The following ANKDD1B variants were observed in gnomAD, a reference collection of about 807,000 sequenced individuals.
The protein encoded by ANKDD1B is ankyrin repeat and death domain-containing protein 1B.
Under a neutral mutation model 59.7 loss-of-function variants are expected in ANKDD1B, and 57 were observed. The ratio of observed to expected loss-of-function variants is 0.95; its 90% CI spans 0.77 to 1.19. The LOEUF is 1.19. Ranked by LOEUF, ANKDD1B falls within the 50% of genes most tolerant of loss-of-function variation. ANKDD1B has a pLI of 0.00. For missense variants in ANKDD1B, 602 were observed against 641.9 expected (o/e 0.94, Z 0.67); for synonymous variants, 216 against 239.5 (o/e 0.90, Z 0.91).
At chr5:75,621,787 A>G (rs1773854937) in intron 3 of ANKDD1B, among the ~76,000 whole-genome samples, 1 of 152,188 alleles carries the variant, frequency 6.6e-6, no homozygotes, top group African/African-American at 2.4e-5. Context: ...AATGATGGAG[A>G]GATATTTCAC....
chr5:75,666,844 A>C lies in ANKDD1B; in HGVS notation c.1244A>C (p.Lys415Thr). 1 of 1,536,090 alleles carries C rather than the reference A, an allele frequency of 6.5e-7. No individual in the cohort carries two copies. Among genetic ancestry groups the C allele is most frequent in the Non-Finnish European group, 8.7e-7 (1 of 1,146,874 alleles). Reference protein sequence around the residue: ...DPSTGFTLTFKQDHSLETRHI... With the variant: ...DPSTGFTLTFTQDHSLETRHI... ...TCAACAGGCTTTACTCTGACATTCA[A>C]GCAAGATCACAGTCTGGAGACCAGA... is the stretch of plus-strand genomic sequence containing the variant. Residue 415 changes from lysine to threonine, a missense_variant, in exon 12 of 14, where the codon AAG becomes ACG. Physicochemically the swap from Lys to Thr is moderately conservative, Grantham distance 78. Coordinates refer to ENST00000601380, the MANE Select transcript of ANKDD1B (RefSeq NM_001276713.2).
chr5:75,667,411 C>T (rs780172295), intron 12 of ANKDD1B, among the ~76,000 whole-genome samples: 2 of 152,130 alleles, frequency 1.3e-5, no homozygotes, highest in Non-Finnish European at 2.9e-5. Context: ...TCAATAGGCT[C>T]GCTGTTTAAG....
chr5:75,616,956 G>A, intron 2 of ANKDD1B, 49 bp downstream of exon 2: 1 of 806,176 alleles, frequency 1.2e-6, no homozygotes, highest in Non-Finnish European at 2.0e-6. Context: ...GTAATGGCTT[G>A]GATTTACACA....
intron 1 of ANKDD1B, among the ~76,000 whole-genome samples, chr5:75,615,186 C>A (rs1773680086): frequency 6.6e-6 from 1 of 152,102 alleles, no homozygotes; most frequent in Non-Finnish European, 1.5e-5. Context: ...AGAACTAGAG[C>A]AGCTGAGCTG....
intron 3 of ANKDD1B, among the ~76,000 whole-genome samples, chr5:75,621,013 C>G (rs1167037439): frequency 6.6e-6 from 1 of 152,158 alleles, no homozygotes; most frequent in Admixed American, 6.5e-5. Context: ...AACAAGAGAA[C>G]ATTTGGATTC....
intron 8 of ANKDD1B, among the ~76,000 whole-genome samples, 179 bp downstream of exon 8, chr5:75,653,419 G>A (rs559992103): frequency 5.3e-5 from 8 of 152,288 alleles, no homozygotes; most frequent in Middle Eastern, 3.4e-3. Context: ...AATAAAATCC[G>A]AGGGATGAAT....
chr5:75,624,437 C>T (rs1199954121), intron 3 of ANKDD1B, among the ~76,000 whole-genome samples: 1 of 152,140 alleles, frequency 6.6e-6, no homozygotes, highest in Non-Finnish European at 1.5e-5. Context: ...GCTGGCTATG[C>T]TTCCTTCCAC....
chr5:75,650,741 C>T (rs75568345), intron 7 of ANKDD1B, among the ~76,000 whole-genome samples: 5,961 of 152,250 alleles, frequency 0.039, 347 homozygotes, highest in African/African-American at 0.13. Context: ...GTTCCATTAT[C>T]TATTGCTTCC....
intron 11 of ANKDD1B, among the ~76,000 whole-genome samples, chr5:75,665,181 G>A (rs1775274394): frequency 6.6e-6 from 1 of 152,164 alleles, no homozygotes; most frequent in Admixed American, 6.5e-5. Context: ...CCTGCAAATA[G>A]TTCAGTGTTT....
intron 3 of ANKDD1B, among the ~76,000 whole-genome samples, chr5:75,624,932 A>C (rs1773950713): frequency 6.6e-6 from 1 of 152,226 alleles, no homozygotes; most frequent in Admixed American, 6.5e-5. Context: ...CAATTGTTGT[A>C]GCACCAATTC....
chr5:75,617,063 G>A (rs2112953346), intron 2 of ANKDD1B, among the ~76,000 whole-genome samples, 156 bp downstream of exon 2: 1 of 152,272 alleles, frequency 6.6e-6, no homozygotes, highest in African/African-American at 2.4e-5. Flanking sequence ...AAGCTAAAAG[G>A]TGGAGTCAAA....
chr5:75,663,802 A>G (rs1396002415), intron 11 of ANKDD1B, among the ~76,000 whole-genome samples: 2 of 152,188 alleles, frequency 1.3e-5, no homozygotes, highest in Non-Finnish European at 2.9e-5. Flanking sequence ...CCCTCTGTCC[A>G]CAGTCTGGCC....
intron 7 of ANKDD1B, among the ~76,000 whole-genome samples, chr5:75,640,023 C>T (rs904647371): frequency 6.6e-6 from 1 of 151,706 alleles, no homozygotes; most frequent in African/African-American, 2.4e-5. Flanking sequence ...TACTATAATT[C>T]CTTATTTCTG....
intron 5 of ANKDD1B, among the ~76,000 whole-genome samples, chr5:75,629,995 C>G (rs1276463570): frequency 6.6e-6 from 1 of 152,002 alleles, no homozygotes; most frequent in African/African-American, 2.4e-5. Context: ...AATCCTGGAC[C>G]CTTCTTCTTT....
At chr5:75,668,443 G>A (rs1775371576) in intron 12 of ANKDD1B, among the ~76,000 whole-genome samples, 1 of 152,202 alleles carries the variant, frequency 6.6e-6, no homozygotes, top group African/African-American at 2.4e-5. Flanking sequence ...GAAAGGAACA[G>A]AGGACTTGTC....
intron 7 of ANKDD1B, among the ~76,000 whole-genome samples, chr5:75,639,781 T>C (rs541665158): frequency 6.6e-6 from 1 of 152,346 alleles, no homozygotes; most frequent in African/African-American, 2.4e-5. Context: ...GAAAGGGAAA[T>C]AGCCAAGTAG....
chr5:75,625,626 T>C (rs553412423), intron 3 of ANKDD1B, 21 bp from the exon 4 acceptor site: 2 of 1,531,820 alleles, frequency 1.3e-6, no homozygotes, highest in African/African-American at 2.7e-5. Flanking sequence ...TAGATTCTCT[T>C]TTTCTGTCTT....
chr5:75,645,360 A>T (rs1774615774), intron 7 of ANKDD1B, among the ~76,000 whole-genome samples: 1 of 78,620 alleles, frequency 1.3e-5, no homozygotes, highest in Non-Finnish European at 2.1e-5. Context: ...AGCAAGACTA[A>T]TAAAGAAAAA....
chr5:75,636,376 A>C (rs900451400), intron 7 of ANKDD1B, among the ~76,000 whole-genome samples: 13 of 152,180 alleles, frequency 8.5e-5, no homozygotes, highest in African/African-American at 3.1e-4. Context: ...TCCAAGTAAA[A>C]GAACCAAGGC....
Sources: allele counts gnomAD v4.1 joint callset (sites outside exome capture counted in the v4.1 genomes callset), GRCh38; gene constraint gnomAD v4.1.1; transcripts MANE v1.5; gene names NCBI Gene and HGNC (gene_info 2026-07-23, HGNC 2026-07-21).